CAPSL: variants seen among roughly 807,000 people sequenced by gnomAD.
CAPSL encodes the protein calcyphosine like.
CAPSL carries 17 observed loss-of-function variants against 21.3 expected under a neutral mutation model. That is an observed-to-expected ratio of 0.80 (90% CI 0.55 to 1.20). The LOEUF (loss-of-function observed/expected upper bound fraction) is 1.20, where lower values mean the gene tolerates loss of function less well. Ranked by LOEUF, CAPSL falls within the 50% of genes most tolerant of loss-of-function variation. CAPSL has a pLI of 0.00. For synonymous variants in CAPSL, 102 were observed against 89.3 expected (o/e 1.14, Z -0.80); for missense variants, 289 against 259.3 (o/e 1.11, Z -0.79).
rs185423882 is a variant in CAPSL at position 35,913,416 on chromosome 5, C to T, written c.138-2873G>A. 3.3e-5 allele frequency among the ~76,000 whole-genome samples: 5 copies of T among 152,152 alleles called. No homozygotes were observed. In the East Asian group the frequency reaches 9.7e-4, roughly 29 times the overall value. On this transcript the variant is annotated intron_variant, in intron 2 of 4. Transcript: ENST00000651391. ...CAAGACACATAATTGTCAGATTCAC[C>T]AAAGTGGAAATAAGGAAAAAATGTT...
chr5:35,928,616 TC>T (rs35363866), intron 1 of CAPSL, among the ~76,000 whole-genome samples: 2 of 151,826 alleles, frequency 1.3e-5, no homozygotes, highest in Admixed American at 6.6e-5. Flanking sequence ...CTGGGTACAA[TC>T]CCCCCCACCC....
intron 2 of CAPSL, among the ~76,000 whole-genome samples, chr5:35,915,072 C>A (rs966031583): frequency 3.3e-4 from 51 of 152,302 alleles, no homozygotes; most frequent in Admixed American, 5.9e-4. Flanking sequence ...TCAGAGAATA[C>A]TATAAACACT....
chr5:35,933,438 G>T (rs1738869329), intron 1 of CAPSL, among the ~76,000 whole-genome samples: 1 of 152,152 alleles, frequency 6.6e-6, no homozygotes, highest in African/African-American at 2.4e-5. Context: ...TCTGAGCAGG[G>T]CCTGTTGCAT....
chr5:35,907,573 G>A (rs565082530), intron 4 of CAPSL, among the ~76,000 whole-genome samples: 5 of 152,136 alleles, frequency 3.3e-5, no homozygotes, highest in Admixed American at 2.0e-4. Context: ...AATGGCTTCC[G>A]GCTGCTATGG....
chr5:35,912,373 A>G (rs558200448), intron 2 of CAPSL, among the ~76,000 whole-genome samples: 1 of 152,334 alleles, frequency 6.6e-6, no homozygotes, highest in East Asian at 1.9e-4. Context: ...TGGTTCTCCC[A>G]GCATGCAGCT....
At position 35,909,885 on chromosome 5, in the gene CAPSL, G is replaced by A. The variant is rs757206536; in HGVS notation, c.506C>T (p.Pro169Leu). 8 of 1,612,686 alleles carry A rather than the reference G, an allele frequency of 5.0e-6. No homozygotes were observed. In the South Asian group the frequency reaches 8.8e-5, roughly 18 times the overall value. Reference protein sequence around the residue: ...FRKFLDNFDSPYDKDGLVTPE... With the variant: ...FRKFLDNFDSLYDKDGLVTPE... Reference sequence around the variant, plus strand: ...ACTTACCAATCCATCTTTGTCATAGGGTGAATCAAAGTTATCCAGAAATTT... The same window carrying A: ...ACTTACCAATCCATCTTTGTCATAGAGTGAATCAAAGTTATCCAGAAATTT... The change falls in exon 4 of 5, where the codon CCC (proline) becomes CTC (leucine). Residue 169 changes from proline (P) to leucine (L), a missense_variant. Physicochemically the swap from Pro to Leu is moderately conservative, Grantham distance 98 (BLOSUM62 -3). Transcript: ENST00000651391.
chr5:35,927,369 A>G (rs1268082968), intron 1 of CAPSL, among the ~76,000 whole-genome samples: 2 of 152,188 alleles, frequency 1.3e-5, no homozygotes, highest in South Asian at 4.1e-4. Flanking sequence ...TACCTGTGCC[A>G]TTACATTAGC....
intron 2 of CAPSL, among the ~76,000 whole-genome samples, chr5:35,920,739 C>G (rs1374873887): frequency 6.6e-6 from 1 of 152,158 alleles, no homozygotes; most frequent in Non-Finnish European, 1.5e-5. Flanking sequence ...CTCCCTTTAC[C>G]TCATATTTTC....
chr5:35,915,995 G>A (rs1580885163), intron 2 of CAPSL, among the ~76,000 whole-genome samples: 1 of 152,164 alleles, frequency 6.6e-6, no homozygotes, highest in Non-Finnish European at 1.5e-5. Flanking sequence ...TTCTTAAGCT[G>A]ATAAGCAACT....
intron 4 of CAPSL, among the ~76,000 whole-genome samples, chr5:35,907,014 C>T (rs1210493177): frequency 1.3e-5 from 2 of 152,182 alleles, no homozygotes; most frequent in East Asian, 1.9e-4. Context: ...TCTCTGATCT[C>T]CTGTAAATTT....
intron 1 of CAPSL, among the ~76,000 whole-genome samples, chr5:35,929,348 G>A (rs528007081): frequency 1.5e-4 from 22 of 142,126 alleles, no homozygotes; most frequent in South Asian, 4.5e-4. Context: ...ACAGTGGTGC[G>A]TTCTCAGCTC....
At position 35,917,335 on chromosome 5, in the gene CAPSL, A is replaced by C. The variant is rs557860560; in HGVS notation, c.137+3649T>G. On this transcript the variant is annotated intron_variant, in intron 2 of 4. Coordinates refer to ENST00000651391, the MANE Select transcript of CAPSL (RefSeq NM_001042625.2). The stretch of plus-strand genomic sequence containing the variant: ...ATTCCTCAGGGATCTAGAACTAGAA[A>C]TATCACTTGACCCAGCCATCCCATT... Among the ~76,000 whole-genome samples, 3 of 152,328 alleles carry C rather than the reference A, an allele frequency of 2.0e-5. No homozygotes were observed. The East Asian group carries it at 5.8e-4, about 29-fold the overall frequency.
intron 4 of CAPSL, among the ~76,000 whole-genome samples, chr5:35,906,759 C>T (rs185288118): frequency 6.6e-6 from 1 of 152,296 alleles, no homozygotes; most frequent in Admixed American, 6.5e-5. Context: ...CCTTCCATCC[C>T]AAACTCCCCC....
At chr5:35,925,512 C>T (rs1156422292) in intron 1 of CAPSL, among the ~76,000 whole-genome samples, 1 of 151,872 alleles carries the variant, frequency 6.6e-6, no homozygotes, top group Non-Finnish European at 1.5e-5. Flanking sequence ...GGGAGATGAA[C>T]AGTAGTGAAG....
intron 2 of CAPSL, among the ~76,000 whole-genome samples, chr5:35,914,301 G>A (rs1738312054): frequency 6.6e-6 from 1 of 152,228 alleles, no homozygotes; most frequent in East Asian, 1.9e-4. Flanking sequence ...ACAGATCAAC[G>A]AGACAGAAAG....
chr5:35,928,469 A>G (rs1297386054), intron 1 of CAPSL, among the ~76,000 whole-genome samples: 1 of 152,186 alleles, frequency 6.6e-6, no homozygotes, highest in African/African-American at 2.4e-5. Context: ...AGTGTGTGTC[A>G]GTGTTGTTGA....
intron 1 of CAPSL, among the ~76,000 whole-genome samples, chr5:35,934,206 T>C (rs1459710192): frequency 6.6e-6 from 1 of 152,236 alleles, no homozygotes; most frequent in Non-Finnish European, 1.5e-5. Context: ...AAGCCAAAAG[T>C]GTTATTCCAC....
intron 2 of CAPSL, among the ~76,000 whole-genome samples, chr5:35,912,861 A>G (rs1266026511): frequency 6.6e-6 from 1 of 152,230 alleles, no homozygotes; most frequent in Non-Finnish European, 1.5e-5. Context: ...CTGGATGGAG[A>G]TGACTTTAAC....
At chr5:35,927,689 A>T (rs192706592) in intron 1 of CAPSL, among the ~76,000 whole-genome samples, 1 of 152,176 alleles carries the variant, frequency 6.6e-6, no homozygotes, top group Non-Finnish European at 1.5e-5. Flanking sequence ...TGGGTATAAG[A>T]TTGAAATTTT....
Sources: allele counts gnomAD v4.1 joint callset (sites outside exome capture counted in the v4.1 genomes callset), GRCh38; gene constraint gnomAD v4.1.1; transcripts MANE v1.5; gene names NCBI Gene and HGNC (gene_info 2026-07-23, HGNC 2026-07-21).